Variants in SAMD3 observed in about 807,000 individuals in gnomAD.
The protein encoded by SAMD3 is sterile alpha motif domain-containing protein 3.
A neutral mutation model predicts 58.5 loss-of-function variants in SAMD3; 63 were observed. That is an observed-to-expected ratio of 1.08 (90% CI 0.88 to 1.33). The LOEUF is 1.33. Among genes scored for constraint, SAMD3 ranks in the 40% most tolerant of loss-of-function variants. The probability of loss-of-function intolerance (pLI) is 0.00; values close to 1 mark genes in which losing one functional copy is unlikely to be tolerated. For synonymous variants in SAMD3, 220 were observed against 210.3 expected (o/e 1.05, Z -0.40); for missense variants, 604 against 608.4 (o/e 0.99, Z 0.08).
At chr6:130,260,949 A>G (rs1395908742) in intron 2 of SAMD3, among the ~76,000 whole-genome samples, 1 of 152,114 alleles carries the variant, frequency 6.6e-6, no homozygotes, top group Non-Finnish European at 1.5e-5. Flanking sequence ...GTGTACCTTT[A>G]TCGGCACTTT....
At chr6:130,186,719 T>C (rs1173862588) in intron 5 of SAMD3, among the ~76,000 whole-genome samples, 1 of 151,940 alleles carries the variant, frequency 6.6e-6, no homozygotes, top group African/African-American at 2.4e-5. Context: ...GACCTAGAAG[T>C]ATAAAGTAAT....
upstream of SAMD3, among the ~76,000 whole-genome samples, chr6:130,227,124 A>C (rs1240286721): frequency 1.3e-5 from 2 of 152,098 alleles, no homozygotes; most frequent in Non-Finnish European, 2.9e-5. Flanking sequence ...TAACTCCCAT[A>C]TTCACCCTGC....
At chr6:130,259,345 G>A (rs1774033160) in intron 2 of SAMD3, among the ~76,000 whole-genome samples, 1 of 152,318 alleles carries the variant, frequency 6.6e-6, no homozygotes, top group East Asian at 1.9e-4. Flanking sequence ...GGGAGCTGAT[G>A]TGTGCAGTGA....
rs75188914 is a variant in SAMD3 at position 130,303,675 on chromosome 6, T to C, written c.-188+9303A>G. Among the ~76,000 whole-genome samples the C allele has an allele frequency of 1.1e-3, 160 of 152,314 alleles. 1 individual carries two copies. The East Asian group carries it at 0.028, about 27-fold the overall frequency. On this transcript the variant is annotated intron_variant, in intron 2 of 13. Transcript: ENST00000368134. Reference sequence around the variant, plus strand: ...ACACATCTGGAATCCATCTGCTTCCTTTTTCTCCACTGCTCTACCACCCCA... The same window carrying C: ...ACACATCTGGAATCCATCTGCTTCCCTTTTCTCCACTGCTCTACCACCCCA...
intron 5 of SAMD3, among the ~76,000 whole-genome samples, chr6:130,187,049 T>C (rs148700256): frequency 3.3e-5 from 5 of 152,024 alleles, no homozygotes; most frequent in South Asian, 4.2e-4. Flanking sequence ...GGATTACAGG[T>C]GTGAGCCACC....
At chr6:130,247,817 A>C (rs2840285) in intron 2 of SAMD3, among the ~76,000 whole-genome samples, 1,841 of 152,346 alleles carry the variant, frequency 0.012, 18 homozygotes, top group Non-Finnish European at 0.021. Flanking sequence ...TGTTATTATT[A>C]GGTTATTTAA....
chr6:130,301,898 C>T (rs773255770), intron 2 of SAMD3, among the ~76,000 whole-genome samples: 1 of 152,064 alleles, frequency 6.6e-6, no homozygotes, highest in Non-Finnish European at 1.5e-5. Context: ...TATCCATACA[C>T]AGAAGAATGA....
chr6:130,222,878 C>G lies in SAMD3; in HGVS notation c.-252G>C, dbSNP rs559119356. ...GGTTTCTCTTGAAAAATCAAAAGTT[C>G]TGGTGATACTGGGTTCATATTTCTG... is the stretch of plus-strand genomic sequence containing the variant. On this transcript the variant is annotated 5_prime_UTR_variant, in exon 1 of 12. Coordinates refer to ENST00000439090, the MANE Select transcript of SAMD3 (RefSeq NM_001017373.4). The G allele has an allele frequency of 1.3e-5, 2 of 152,292 alleles. No homozygotes were observed. The highest frequency in any genetic ancestry group is 4.1e-4 in the South Asian group (2 of 4,822). The allele number at this position is 152,292 out of a possible 1,614,324, so 9.4% of individuals were successfully genotyped here.
chr6:130,204,256 T>A (rs1794882220), intron 5 of SAMD3, among the ~76,000 whole-genome samples: 1 of 151,958 alleles, frequency 6.6e-6, no homozygotes, highest in Admixed American at 6.6e-5. Context: ...AGGTGAACAG[T>A]TTCAAACAGG....
chr6:130,176,259 T>C, intron 7 of SAMD3: 1 of 502,206 alleles, frequency 2.0e-6, no homozygotes, highest in Admixed American at 3.3e-5. Context: ...CTTTTCCCAA[T>C]GTCATATGGT....
intron 5 of SAMD3, among the ~76,000 whole-genome samples, chr6:130,207,159 C>CAAAAAAAAAAAAAAAAA (rs376844642): frequency 1.5e-4 from 8 of 52,666 alleles, no homozygotes; most frequent in Admixed American, 2.0e-4. Context: ...CCCATCTCAT[C>CAAAAAAAAAAAAAAAAA]AAAAAAAAAA....
At chr6:130,253,154 A>G (rs1773800946) in intron 2 of SAMD3, among the ~76,000 whole-genome samples, 2 of 152,232 alleles carry the variant, frequency 1.3e-5, no homozygotes, top group Non-Finnish European at 2.9e-5. Context: ...AAACTTCACT[A>G]CTTCCAGCAC....
At chr6:130,319,123 G>C (rs970508405) in intron 1 of SAMD3, among the ~76,000 whole-genome samples, 1 of 152,024 alleles carries the variant, frequency 6.6e-6, no homozygotes, top group Non-Finnish European at 1.5e-5. Context: ...AATCCTGAAC[G>C]AATCAATAAA....
intron 2 of SAMD3, among the ~76,000 whole-genome samples, chr6:130,239,304 A>G (rs946715347): frequency 1.3e-5 from 2 of 152,208 alleles, no homozygotes; most frequent in African/African-American, 2.4e-5. Context: ...CTTTGCAACC[A>G]TGAGCGAAAG....
chr6:130,248,701 G>A lies in SAMD3; in HGVS notation c.-187-25888C>T, dbSNP rs73607934. On this transcript the variant is annotated intron_variant, in intron 2 of 13. Coordinates refer to the SAMD3 transcript ENST00000368134. ...GGCACTGGGGGAATTAGTGCTGACCGAAACCATGGGCAGAACTCTGCAGTA... is the reference window on the plus strand; with the variant it reads ...GGCACTGGGGGAATTAGTGCTGACCAAAACCATGGGCAGAACTCTGCAGTA... 5.3e-4 allele frequency among the ~76,000 whole-genome samples: 81 copies of A among 152,238 alleles called. 1 individual carries two copies. Among genetic ancestry groups the A allele is most frequent in the Middle Eastern group, 3.4e-3 (1 of 294 alleles).
At chr6:130,176,524 A>G (rs779690574) in intron 7 of SAMD3, among the ~76,000 whole-genome samples, 1 of 152,196 alleles carries the variant, frequency 6.6e-6, no homozygotes, top group Non-Finnish European at 1.5e-5. Context: ...CAAAAAGACC[A>G]ACTCCCCACT....
At chr6:130,175,550 C>CA (rs960610537) in intron 8 of SAMD3, among the ~76,000 whole-genome samples, 93 of 144,304 alleles carry the variant, frequency 6.4e-4, no homozygotes, top group African/African-American at 1.7e-3. Flanking sequence ...AGGATAAGAG[C>CA]AAAAAAAAAA....
intron 1 of SAMD3, among the ~76,000 whole-genome samples, chr6:130,343,505 C>T (rs1041541731): frequency 6.6e-6 from 1 of 152,136 alleles, no homozygotes; most frequent in Non-Finnish European, 1.5e-5. Flanking sequence ...ATATTCCTTT[C>T]GTGGAAGTCA....
chr6:130,154,712 A>T (rs1286979502), intron 9 of SAMD3, 113 bp downstream of exon 9: 46 of 104,992 alleles, frequency 4.4e-4, no homozygotes, highest in African/African-American at 9.8e-4. Context: ...AAAAAAAAAA[A>T]AAAAAAATAT....
Sources: gnomAD v4.1 joint callset for allele counts (sites outside exome capture counted in the v4.1 genomes callset) on GRCh38, gnomAD v4.1.1 for gene constraint, MANE v1.5 for transcripts, NCBI Gene and HGNC (gene_info 2026-07-23, HGNC 2026-07-21) for gene names.